ADGRL3: variants seen among roughly 807,000 people sequenced by gnomAD.
ADGRL3 encodes adhesion G protein-coupled receptor L3.
Under a neutral mutation model 153.5 loss-of-function variants are expected in ADGRL3, and 62 were observed. That is an observed-to-expected ratio of 0.40 (90% confidence interval 0.33 to 0.50). The LOEUF (loss-of-function observed/expected upper bound fraction) is 0.50, where lower values mean the gene tolerates loss of function less well. Among genes scored for constraint, ADGRL3 ranks in the 20% least tolerant of loss-of-function variants. ADGRL3 has a pLI of 0.47. For missense variants in ADGRL3, 1,641 were observed against 1,859.4 expected (o/e 0.88, Z 2.16); for synonymous variants, 710 against 672.5 (o/e 1.06, Z -0.86).
At chr4:61,266,547 G>A (rs925468869) in intron 1 of ADGRL3, among the ~76,000 whole-genome samples, 1 of 151,766 alleles carries the variant, frequency 6.6e-6, no homozygotes, top group Non-Finnish European at 1.5e-5. Flanking sequence ...GACAGAATTT[G>A]TAGATAGGAA....
chr4:61,442,055 A>G (rs578137897), intron 2 of ADGRL3, among the ~76,000 whole-genome samples: 2 of 152,328 alleles, frequency 1.3e-5, no homozygotes, highest in Middle Eastern at 6.8e-3. Flanking sequence ...TGCACCTAGG[A>G]TGTACAATGT....
At chr4:61,452,297 C>G (rs540395102) in intron 2 of ADGRL3, among the ~76,000 whole-genome samples, 1 of 152,092 alleles carries the variant, frequency 6.6e-6, no homozygotes, top group Non-Finnish European at 1.5e-5. Flanking sequence ...CTGTTATACT[C>G]GTAACAGTTC....
rs1321420864 is a variant in ADGRL3 at position 61,226,251 on chromosome 4, T to C, written c.-240+24486T>C. 7.2e-5 allele frequency among the ~76,000 whole-genome samples: 11 copies of C among 152,292 alleles called. No individual in the cohort carries two copies. The South Asian group carries it at 1.4e-3, about 20-fold the overall frequency. On this transcript the variant is annotated intron_variant, in intron 1 of 26. Transcript: ENST00000683033. ...AGCATTATGAGGGGGTGTCTTAGAA[T>C]CTATAGTTATCCAATTGGCTGTGAT...
chr4:61,336,685 G>T (rs2095682858), intron 1 of ADGRL3, among the ~76,000 whole-genome samples: 1 of 151,976 alleles, frequency 6.6e-6, no homozygotes, highest in African/African-American at 2.4e-5. Flanking sequence ...TGGGATAACT[G>T]CCCTTTGTGT....
rs902103288 is a variant in ADGRL3 at position 61,760,678 on chromosome 4, C to T, written c.1399+27124C>T. 1.3e-4 allele frequency among the ~76,000 whole-genome samples: 20 copies of T among 152,244 alleles called. No homozygotes were observed. In the East Asian group the frequency reaches 2.3e-3, roughly 18 times the overall value. ...CACCCACTGTCCTGCACCCACTTTC[C>T]GACACTCCCCAGTGAGATGAGCCTG... On this transcript the variant is annotated intron_variant, in intron 8 of 26. Coordinates refer to ENST00000683033, the MANE Select transcript of ADGRL3 (RefSeq NM_001387552.1).
chr4:62,060,634 T>C (rs1489064217), intron 25 of ADGRL3, among the ~76,000 whole-genome samples: 2 of 151,926 alleles, frequency 1.3e-5, no homozygotes, highest in Non-Finnish European at 2.9e-5. Flanking sequence ...ATAATTTGGT[T>C]TTCTAATACG....
chr4:61,533,073 T>C (rs1172112914), intron 4 of ADGRL3, among the ~76,000 whole-genome samples: 1 of 152,156 alleles, frequency 6.6e-6, no homozygotes, highest in Non-Finnish European at 1.5e-5. Context: ...GAAAAATCTA[T>C]CTGCCATAAA....
At chr4:61,247,335 C>T (rs1757503096) in intron 1 of ADGRL3, among the ~76,000 whole-genome samples, 2 of 151,998 alleles carry the variant, frequency 1.3e-5, no homozygotes, top group Admixed American at 1.3e-4. Flanking sequence ...GTATGTTCTC[C>T]TATAGACAGA....
intron 1 of ADGRL3, among the ~76,000 whole-genome samples, chr4:61,349,004 C>A (rs2095986037): frequency 6.6e-6 from 1 of 151,854 alleles, no homozygotes; most frequent in African/African-American, 2.4e-5. Flanking sequence ...TTGAATATAG[C>A]AGTCAAGGGG....
intron 26 of ADGRL3, among the ~76,000 whole-genome samples, chr4:62,069,526 A>T (rs1277897591): frequency 6.6e-6 from 1 of 152,034 alleles, no homozygotes; most frequent in African/African-American, 2.4e-5. Context: ...GAAATTTAAC[A>T]TAATCCTTTT....
At chr4:61,685,293 C>T (rs1476593855) in intron 6 of ADGRL3, among the ~76,000 whole-genome samples, 6 of 152,138 alleles carry the variant, frequency 3.9e-5, no homozygotes, top group African/African-American at 7.2e-5. Flanking sequence ...ACAAGTTTAT[C>T]GCTGCCTACT....
chr4:61,964,291 A>G (rs1460678405), intron 17 of ADGRL3, among the ~76,000 whole-genome samples: 1 of 152,190 alleles, frequency 6.6e-6, no homozygotes, highest in East Asian at 1.9e-4. Context: ...ATTGAGAATT[A>G]TAAGGTTTTC....
At chr4:61,890,951 C>T (rs371154489) in intron 9 of ADGRL3, among the ~76,000 whole-genome samples, 1 of 38,314 alleles carries the variant, frequency 2.6e-5, no homozygotes, top group South Asian at 6.3e-4. Flanking sequence ...ATTATATATG[C>T]AAATTATATA....
Position 61,344,365 on chromosome 4 carries a change from C to T in ADGRL3, c.-239-38759C>T, listed in dbSNP as rs574322017. ...GTAAAGTACAAGTTAAACAGATGCA[C>T]GCAAGTACAGGATTGTAAAGTTCAA... On this transcript the variant is annotated intron_variant, in intron 1 of 26. Transcript: ENST00000683033. Among the ~76,000 whole-genome samples the T allele has an allele frequency of 9.9e-5, 15 of 152,156 alleles. No individual in the cohort carries two copies. In the Middle Eastern group the frequency reaches 0.01, roughly 104 times the overall value.
At position 61,332,265 on chromosome 4, in the gene ADGRL3, A is replaced by G. The variant is rs111729975; in HGVS notation, c.-239-50859A>G. On this transcript the variant is annotated intron_variant, in intron 1 of 26. Coordinates refer to ENST00000683033, the MANE Select transcript of ADGRL3 (RefSeq NM_001387552.1). Reference sequence around the variant, plus strand: ...TAGTGGACCTGTGTTACTATTAACAATGCAAATTTTTGATACTCAGAAGTA... The same window carrying G: ...TAGTGGACCTGTGTTACTATTAACAGTGCAAATTTTTGATACTCAGAAGTA... Among the ~76,000 whole-genome samples the G allele has an allele frequency of 4.6e-3, 701 of 152,266 alleles. 4 individuals are homozygous for G. Among genetic ancestry groups the G allele is most frequent in the African/African-American group, 0.016 (681 of 41,572 alleles).
At chr4:61,921,906 A>T (rs938558048) in intron 13 of ADGRL3, among the ~76,000 whole-genome samples, 1 of 152,196 alleles carries the variant, frequency 6.6e-6, no homozygotes, top group Non-Finnish European at 1.5e-5. Flanking sequence ...ATGTGTAGAC[A>T]GGATCACAAG....
chr4:61,725,455 C>T (rs1334470381), intron 6 of ADGRL3, among the ~76,000 whole-genome samples: 1 of 151,812 alleles, frequency 6.6e-6, no homozygotes, highest in Non-Finnish European at 1.5e-5. Context: ...ATTAGCCAGG[C>T]GTGGTGGCAG....
At chr4:61,777,669 A>G (rs535259077) in intron 8 of ADGRL3, among the ~76,000 whole-genome samples, 30 of 152,296 alleles carry the variant, frequency 2.0e-4, no homozygotes, top group Admixed American at 3.3e-4. Flanking sequence ...CCTCCTCGTC[A>G]TTAGGACACA....
intron 4 of ADGRL3, among the ~76,000 whole-genome samples, chr4:61,549,827 C>T (rs1275307951): frequency 6.6e-6 from 1 of 151,634 alleles, no homozygotes; most frequent in Non-Finnish European, 1.5e-5. Context: ...TTTCTGAATC[C>T]GATGATTAAT....
Sources: gnomAD v4.1 joint callset for allele counts (sites outside exome capture counted in the v4.1 genomes callset) on GRCh38, gnomAD v4.1.1 for gene constraint, MANE v1.5 for transcripts, NCBI Gene and HGNC (gene_info 2026-07-23, HGNC 2026-07-21) for gene names.